The following FAM13C variants were observed in gnomAD, a reference collection of about 807,000 sequenced individuals.
FAM13C encodes protein FAM13C.
A neutral mutation model predicts 73.2 loss-of-function variants in FAM13C; 37 were observed. That is an observed-to-expected ratio of 0.51 (90% CI 0.39 to 0.67). The LOEUF is 0.67. Among genes scored for constraint, FAM13C ranks in the 30% least tolerant of loss-of-function variants. The pLI is 0.00. For synonymous variants in FAM13C, 246 were observed against 260.9 expected, an observed-to-expected ratio of 0.94 and a Z score of 0.55; for missense variants, 589 against 715.6, an observed-to-expected ratio of 0.82 and a Z score of 2.02.
chr10:59,264,135 T>A lies in FAM13C; in HGVS notation c.974A>T (p.Glu325Val). ...PSHGDKTSNPEVLKWMNDLAK... is the reference protein window; with the variant it reads ...PSHGDKTSNPVVLKWMNDLAK... Reference sequence around the variant, plus strand: ...CAAATCATTCATCCATTTCAGGACTTCAGGATTAGAAGTCTTGTCACCATG... The same window carrying A: ...CAAATCATTCATCCATTTCAGGACTACAGGATTAGAAGTCTTGTCACCATG... The change falls in exon 9 of 14, where the codon GAA becomes GTA. Residue 325 changes from glutamate (E) to valine (V), a missense_variant. Transcript: ENST00000618804. 1 of 1,609,846 alleles carries A rather than the reference T, an allele frequency of 6.2e-7. No individual in the cohort carries two copies. The highest frequency in any genetic ancestry group is 8.5e-7 in the Non-Finnish European group (1 of 1,178,748).
rs553669189 is a variant in FAM13C at position 59,294,123 on chromosome 10, TA to T, written c.507+8677del. 4.1e-3 allele frequency among the ~76,000 whole-genome samples: 625 copies of T among 152,276 alleles called. 5 individuals carry two copies. The highest frequency in any genetic ancestry group is 0.015 in the African/African-American group (606 of 41,554). On this transcript the variant is annotated intron_variant, in intron 5 of 13. Transcript: ENST00000618804. ...AGTGAAAGGTTGTTCATGGACTTTATAAAAAAACTCACTATATTCATTGCTC... is the reference window on the plus strand; with the variant it reads ...AGTGAAAGGTTGTTCATGGACTTTATAAAAAACTCACTATATTCATTGCTC...
intron 8 of FAM13C, among the ~76,000 whole-genome samples, chr10:59,267,580 C>T (rs887535563): frequency 6.6e-6 from 1 of 152,148 alleles, no homozygotes; most frequent in Non-Finnish European, 1.5e-5. Flanking sequence ...AAGCTAAAAT[C>T]TGCTCCTTAA....
intron 6 of FAM13C, 89 bp downstream of exon 6, chr10:59,283,274 C>A (rs1365247223): frequency 7.1e-7 from 1 of 1,399,296 alleles, no homozygotes; most frequent in Non-Finnish European, 1.0e-6. Flanking sequence ...CACTGTTTTC[C>A]CTCAGGGGCT....
intron 4 of FAM13C, among the ~76,000 whole-genome samples, chr10:59,306,665 C>A (rs1426511861): frequency 6.6e-6 from 1 of 152,174 alleles, no homozygotes; most frequent in Non-Finnish European, 1.5e-5. Context: ...TGCCTGAGCT[C>A]AGGAGTTCGA....
chr10:59,263,785 C>A lies in FAM13C; in HGVS notation c.1024+300G>T, dbSNP rs186490695. ...TCAGGCCTCTTCTGTTTCTAACATC[C>A]AACAATCCAATAACCTAGGGAGGTT... On this transcript the variant is annotated intron_variant, in intron 9 of 13. Transcript: ENST00000618804. 13 of 348,402 alleles carry A rather than the reference C, an allele frequency of 3.7e-5. No homozygotes were observed. The East Asian group carries it at 7.1e-4, about 19-fold the overall frequency. The allele number at this position is 348,402 out of a possible 1,614,324, so 21.6% of individuals were successfully genotyped here. A position where few individuals can be genotyped will look rare whatever the true frequency, so the allele number is the denominator to read the frequency against.
chr10:59,285,961 C>CTG (rs111583529), intron 5 of FAM13C, among the ~76,000 whole-genome samples: 35,493 of 152,078 alleles, frequency 0.23, 5,634 homozygotes, highest in African/African-American at 0.45. Context: ...GTTTCCAAGT[C>CTG]TGATATTTGT....
chr10:59,319,119 ATT>A (rs200549756), intron 4 of FAM13C, among the ~76,000 whole-genome samples: 1,298 of 126,894 alleles, frequency 0.01, 27 homozygotes, highest in African/African-American at 0.045. Context: ...ACACACACAC[ATT>A]GTCTATCTCA....
intron 3 of FAM13C, among the ~76,000 whole-genome samples, chr10:59,329,422 C>T (rs577495403): frequency 2.3e-4 from 28 of 122,886 alleles, no homozygotes; most frequent in African/African-American, 7.2e-4. Flanking sequence ...CGCAATGATA[C>T]GATCTCGACT....
chr10:59,260,860 A>G (rs920096457), intron 10 of FAM13C, among the ~76,000 whole-genome samples: 1 of 152,156 alleles, frequency 6.6e-6, no homozygotes, highest in African/African-American at 2.4e-5. Flanking sequence ...TGTCATGATA[A>G]TTATATAAGT....
Position 59,352,289 on chromosome 10 carries a change from C to T in FAM13C, c.305G>A (p.Arg102Lys), listed in dbSNP as rs763413636. Reference sequence around the variant, plus strand: ...TGCTACCTGACTTTCTCCGTGGCTCCTCCCGCTCTCCGCTTTGAAGATGGA... The same window carrying T: ...TGCTACCTGACTTTCTCCGTGGCTCTTCCCGCTCTCCGCTTTGAAGATGGA... Reference protein sequence around the residue: ...PKSIFKAESGRSHGESQETEH... With the variant: ...PKSIFKAESGKSHGESQETEH... Residue 102 changes from arginine (R) to lysine (K), a missense_variant, in exon 3 of 14, where the codon AGG becomes AAG. Arg to Lys is a conservative substitution (Grantham distance 26). Transcript: ENST00000618804. The T allele has an allele frequency of 1.6e-5, 26 of 1,613,884 alleles. 1 individual carries two copies. The South Asian group carries it at 2.6e-4, about 16-fold the overall frequency.
chr10:59,344,584 T>C (rs1350212717), intron 3 of FAM13C, among the ~76,000 whole-genome samples: 1 of 152,166 alleles, frequency 6.6e-6, no homozygotes, highest in Admixed American at 6.5e-5. Context: ...GCCCGGCCTG[T>C]AAACTACTTC....
rs755219353 is a variant in FAM13C at position 59,360,992 on chromosome 10, T to C, written c.62+1407A>G. ...AGAATCGGGGCCAGAAAGCACTTAG[T>C]ACTTTAAGCACAGCAAAGGGAGGAG... On this transcript the variant is annotated intron_variant, in intron 1 of 13. Transcript: ENST00000618804. 1.2e-4 allele frequency: 157 copies of C among 1,285,432 alleles called. 1 individual carries two copies. The highest frequency in any genetic ancestry group is 1.5e-4 in the Non-Finnish European group (149 of 985,936). 79.6% of individuals were successfully genotyped at this position (1,285,432 alleles called of 1,614,324 possible). A position where few individuals can be genotyped will look rare whatever the true frequency, so the allele number is the denominator to read the frequency against.
chr10:59,254,692 T>C (rs1186468583), intron 10 of FAM13C, among the ~76,000 whole-genome samples: 1 of 151,962 alleles, frequency 6.6e-6, no homozygotes, highest in Non-Finnish European at 1.5e-5. Context: ...AACCTCCACC[T>C]CCTGGGTTCA....
At chr10:59,303,550 C>T (rs1475098594) in intron 4 of FAM13C, among the ~76,000 whole-genome samples, 4 of 152,130 alleles carry the variant, frequency 2.6e-5, no homozygotes. Flanking sequence ...GAAATTTCAT[C>T]CTATCTCTTA....
chr10:59,321,356 T>G (rs1209743016), intron 4 of FAM13C, among the ~76,000 whole-genome samples: 1 of 149,896 alleles, frequency 6.7e-6, no homozygotes, highest in Non-Finnish European at 1.5e-5. Context: ...GGGCAGCCTC[T>G]GGAAACTGGA....
At chr10:59,289,453 T>C (rs981930465) in intron 5 of FAM13C, among the ~76,000 whole-genome samples, 3 of 152,172 alleles carry the variant, frequency 2.0e-5, no homozygotes, top group African/African-American at 7.2e-5. Context: ...TTGCAGTGAA[T>C]GTGCAGAGTT....
intron 5 of FAM13C, among the ~76,000 whole-genome samples, chr10:59,287,194 G>A (rs1163754650): frequency 2.0e-5 from 3 of 150,924 alleles, no homozygotes; most frequent in Non-Finnish European, 3.0e-5. Flanking sequence ...AAAATTAGCC[G>A]GGCATGGTTG....
At chr10:59,328,432 C>T (rs1411410054) in intron 3 of FAM13C, among the ~76,000 whole-genome samples, 2 of 152,136 alleles carry the variant, frequency 1.3e-5, no homozygotes, top group African/African-American at 4.8e-5. Context: ...ATGGCATGGC[C>T]ATTGCTTCAG....
At position 59,247,701 on chromosome 10, in the gene FAM13C, A is replaced by C. The variant is rs375423061; in HGVS notation, c.1671T>G (p.Asp557Glu). 119 of 1,613,104 alleles carry C rather than the reference A, an allele frequency of 7.4e-5. No individual in the cohort carries two copies. The highest frequency in any genetic ancestry group is 9.5e-5 in the Non-Finnish European group (112 of 1,179,514). The change falls in exon 14 of 14, where the codon GAT becomes GAG. Residue 557 changes from aspartate (D) to glutamate (E), a missense_variant. Transcript: ENST00000618804. ...TTATGTGCTTATATTCATAATACTC[A>C]TCTGCCATTGGTATCCTATCTTCCT... is the stretch of plus-strand genomic sequence containing the variant. Reference protein sequence around the residue: ...PQKEDRIPMADEYYEYKHIKA... With the variant: ...PQKEDRIPMAEEYYEYKHIKA...
Sources: gnomAD v4.1 joint callset for allele counts (sites outside exome capture counted in the v4.1 genomes callset) on GRCh38, gnomAD v4.1.1 for gene constraint, MANE v1.5 for transcripts, NCBI Gene and HGNC (gene_info 2026-07-23, HGNC 2026-07-21) for gene names.